ZNF423: variants seen among roughly 807,000 people sequenced by gnomAD.
ZNF423 encodes Ebf-associated zinc finger protein.
Under a neutral mutation model 95.8 loss-of-function variants are expected in ZNF423, and 12 were observed. The observed-to-expected ratio is 0.13, with a 90% CI of 0.08 to 0.20. The LOEUF is 0.20. ZNF423 is among the 10% of genes least tolerant of loss of function. The pLI is 1.00. For missense variants in ZNF423, 1,316 were observed against 1,737.1 expected (o/e 0.76, Z 4.31); for synonymous variants, 749 against 711.9 (o/e 1.05, Z -0.83).
chr16:49,614,520 G>T (rs1971815404), intron 5 of ZNF423, among the ~76,000 whole-genome samples: 1 of 152,146 alleles, frequency 6.6e-6, no homozygotes, highest in Admixed American at 6.5e-5. Context: ...TAAAATTATA[G>T]AAACAGAGAA....
chr16:49,552,869 C>A (rs1237291099), intron 5 of ZNF423, among the ~76,000 whole-genome samples: 2 of 151,906 alleles, frequency 1.3e-5, no homozygotes, highest in Non-Finnish European at 2.9e-5. Flanking sequence ...GGCCCCCACC[C>A]CTCCAGGAGG....
chr16:49,721,011 T>G (rs116322151), intron 3 of ZNF423, among the ~76,000 whole-genome samples: 1 of 152,344 alleles, frequency 6.6e-6, no homozygotes, highest in East Asian at 1.9e-4. Flanking sequence ...CCATTGTCAC[T>G]GCTGAGTCGA....
intron 5 of ZNF423, among the ~76,000 whole-genome samples, chr16:49,609,547 G>A (rs926450456): frequency 6.6e-6 from 1 of 152,078 alleles, no homozygotes. Flanking sequence ...GAGATACAAG[G>A]AGGCACTAAA....
chr16:49,760,712 C>A (rs550282598), intron 2 of ZNF423, among the ~76,000 whole-genome samples: 1 of 152,142 alleles, frequency 6.6e-6, no homozygotes, highest in East Asian at 1.9e-4. Flanking sequence ...TGAGGGAGGG[C>A]TTCCCAGAGG....
chr16:49,757,562 C>T (rs1263523557), intron 2 of ZNF423, among the ~76,000 whole-genome samples: 1 of 152,222 alleles, frequency 6.6e-6, no homozygotes, highest in African/African-American at 2.4e-5. Flanking sequence ...CCATAGAACT[C>T]ACCTGTCAGT....
At position 49,855,508 on chromosome 16, in the gene ZNF423, C is replaced by CCCACCG. The variant is rs1355579722; in HGVS notation, c.40+226_40+227insCGGTGG. 1.0e-5 allele frequency among the ~76,000 whole-genome samples: 1 copy of CCCACCG among 100,426 alleles called. No homozygotes were observed. Among genetic ancestry groups the CCCACCG allele is most frequent in the Non-Finnish European group, 1.9e-5 (1 of 51,410 alleles). 65.9% of individuals were successfully genotyped at this position (100,426 alleles called of 152,430 possible). On this transcript the variant is annotated intron_variant, in intron 1 of 7. Transcript: ENST00000563137. This position sits in a 1 kb window ranked among gnomAD's most constrained non-coding sequence, Gnocchi z 4.7. ...GCAGGGAGGGTGTCCGCGGCGTACCCCCTCCGCCGCCGCCGCCGCCGCCGC... is the reference window on the plus strand; with the variant it reads ...GCAGGGAGGGTGTCCGCGGCGTACCCCCACCGCCTCCGCCGCCGCCGCCGCCGCCGC...
At chr16:49,698,311 C>T (rs542059567) in intron 3 of ZNF423, among the ~76,000 whole-genome samples, 4 of 151,772 alleles carry the variant, frequency 2.6e-5, no homozygotes, top group Non-Finnish European at 4.4e-5. Flanking sequence ...GCAGCCTGCT[C>T]ACGGGGCATC....
chr16:49,491,447 C>T, intron 7 of ZNF423, 143 bp from the exon 8 acceptor site: 1 of 1,030,284 alleles, frequency 9.7e-7, no homozygotes, highest in Non-Finnish European at 1.5e-6. Context: ...AAAAAGTGCT[C>T]CAGGGACGCA....
At chr16:49,763,675 T>C (rs1175432616) in intron 2 of ZNF423, among the ~76,000 whole-genome samples, 1 of 152,104 alleles carries the variant, frequency 6.6e-6, no homozygotes, top group Non-Finnish European at 1.5e-5. Flanking sequence ...CTTCCTTTGC[T>C]CAACATGATG....
intron 2 of ZNF423, among the ~76,000 whole-genome samples, chr16:49,770,622 C>A (rs2034015454): frequency 6.6e-6 from 1 of 151,694 alleles, no homozygotes; most frequent in Non-Finnish European, 1.5e-5. Context: ...GCAGGGACAG[C>A]GGCTGGGCCT....
chr16:49,852,582 A>C (rs928117062), intron 1 of ZNF423, among the ~76,000 whole-genome samples: 1 of 152,192 alleles, frequency 6.6e-6, no homozygotes, highest in African/African-American at 2.4e-5. Context: ...ATTATCAAAG[A>C]GAACAAATCA....
chr16:49,719,084 G>A (rs2032791591), intron 3 of ZNF423, among the ~76,000 whole-genome samples: 1 of 152,170 alleles, frequency 6.6e-6, no homozygotes, highest in African/African-American at 2.4e-5. Context: ...TGATTACTCA[G>A]GGAACACAAT....
At position 49,638,431 on chromosome 16, in the gene ZNF423, T is replaced by C. The variant is rs751459009; in HGVS notation, c.745A>G (p.Met249Val). 1 of 1,613,944 alleles carries C rather than the reference T, an allele frequency of 6.2e-7. No individual in the cohort carries two copies. Among genetic ancestry groups the C allele is most frequent in the Non-Finnish European group, 8.5e-7 (1 of 1,180,044 alleles). ...TCCTTGTTCTTTTTGTGGGCCTGCA[T>C]GTGGCTCTGCAGCGAGCTGGTGGAG... is the stretch of plus-strand genomic sequence containing the variant. ...FSSTSSLQSH[M>V]QAHKKNKEHL... Residue 249 changes from methionine (M) to valine (V), a missense_variant, in exon 4 of 8, where the codon ATG (methionine) becomes GTG (valine). Physicochemically the swap from Met to Val is conservative, Grantham distance 21 (BLOSUM62 1). This residue lies in a region of ZNF423 where 399 missense variants were observed against 478.5 expected (regional missense o/e 0.83). Coordinates refer to ENST00000563137, the MANE Select transcript of ZNF423 (RefSeq NM_001379286.1). The surrounding 1 kb of genome is among the most constrained non-coding windows in gnomAD (Gnocchi z 5.6).
At chr16:49,500,525 G>A (rs967191690) in intron 7 of ZNF423, among the ~76,000 whole-genome samples, 1 of 152,122 alleles carries the variant, frequency 6.6e-6, no homozygotes, top group Non-Finnish European at 1.5e-5. Context: ...TAAAAGATGG[G>A]GCCCCAATCT....
chr16:49,607,942 G>A (rs1314937932), intron 5 of ZNF423, among the ~76,000 whole-genome samples: 1 of 152,158 alleles, frequency 6.6e-6, no homozygotes, highest in African/African-American at 2.4e-5. Context: ...TGGAATTTCC[G>A]TCTGCCCCTC....
intron 1 of ZNF423, among the ~76,000 whole-genome samples, chr16:49,845,759 G>C (rs2035239065): frequency 6.6e-6 from 1 of 151,856 alleles, no homozygotes; most frequent in Non-Finnish European, 1.5e-5. Context: ...GCCCAGGCTG[G>C]TCTCGAACTC....
intron 5 of ZNF423, among the ~76,000 whole-genome samples, chr16:49,555,308 C>A (rs57031549): frequency 0.11 from 16,921 of 152,200 alleles, 1,084 homozygotes; most frequent in South Asian, 0.23. Flanking sequence ...ACCAGTAATT[C>A]AGTTCAGGCT....
intron 5 of ZNF423, among the ~76,000 whole-genome samples, chr16:49,536,531 C>A (rs1969062411): frequency 6.9e-6 from 1 of 145,622 alleles, no homozygotes; most frequent in South Asian, 2.4e-4. Flanking sequence ...CAGCTTCAAA[C>A]TTCTGGGCTC....
At chr16:49,552,351 A>G (rs922384721) in intron 5 of ZNF423, among the ~76,000 whole-genome samples, 5 of 152,068 alleles carry the variant, frequency 3.3e-5, no homozygotes, top group Non-Finnish European at 7.4e-5. Flanking sequence ...CTTATACTTG[A>G]TGCCTCCCTG....
Sources: allele counts gnomAD v4.1 joint callset (sites outside exome capture counted in the v4.1 genomes callset), GRCh38; gene constraint gnomAD v4.1.1; regional missense constraint gnomAD v4.1.1; non-coding constraint Gnocchi (gnomAD v3.1); transcripts MANE v1.5; gene names NCBI Gene and HGNC (gene_info 2026-07-23, HGNC 2026-07-21).